The following LNX1 variants were observed in gnomAD, a reference collection of about 807,000 sequenced individuals.
LNX1 encodes ligand of numb-protein X 1.
In LNX1, 54 loss-of-function variants were observed where a neutral mutation model predicts 68.4. The observed-to-expected ratio is 0.79, with a 90% CI of 0.63 to 0.99. LNX1 has a LOEUF of 0.99. Ranked by LOEUF, LNX1 falls within the 50% of genes least tolerant of loss-of-function variation. The pLI, the probability that LNX1 is intolerant of heterozygous loss-of-function variation, is 0.00. For synonymous variants in LNX1, 336 were observed against 350.0 expected (o/e 0.96, Z 0.45); for missense variants, 906 against 926.4 (o/e 0.98, Z 0.29).
At chr4:53,613,548 C>A (rs1733574032) in intron 2 of LNX1, among the ~76,000 whole-genome samples, 1 of 152,134 alleles carries the variant, frequency 6.6e-6, no homozygotes, top group South Asian at 2.1e-4. Flanking sequence ...GTGCATTGTT[C>A]CAATGCGGTA....
intron 2 of LNX1, among the ~76,000 whole-genome samples, chr4:53,514,329 C>T (rs1481442078): frequency 6.6e-6 from 1 of 152,128 alleles, no homozygotes; most frequent in Non-Finnish European, 1.5e-5. Context: ...TTGTATTAGT[C>T]CATTTTTACA....
At chr4:53,466,920 G>A (rs1477846417) in intron 9 of LNX1, among the ~76,000 whole-genome samples, 1 of 152,218 alleles carries the variant, frequency 6.6e-6, no homozygotes, top group Non-Finnish European at 1.5e-5. Flanking sequence ...TCTGGGGGCA[G>A]GGCACAGACA....
At chr4:53,538,016 A>G (rs977498816) in intron 2 of LNX1, among the ~76,000 whole-genome samples, 1 of 152,212 alleles carries the variant, frequency 6.6e-6, no homozygotes, top group Non-Finnish European at 1.5e-5. Flanking sequence ...TCTCATTCTG[A>G]ATACCAAAGA....
At chr4:53,589,367 AT>A (rs1176916520) in intron 1 of LNX1, among the ~76,000 whole-genome samples, 2 of 152,216 alleles carry the variant, frequency 1.3e-5, no homozygotes, top group Non-Finnish European at 2.9e-5. Flanking sequence ...AACTGTTAAC[AT>A]TGCAGTTAAT....
chr4:53,602,253 C>T lies in LNX1; in HGVS notation c.-214-10738G>A, dbSNP rs763859103. On this transcript the variant is annotated intron_variant, in intron 2 of 3. Coordinates refer to the LNX1 transcript ENST00000504299. ...GTCCTGCAAGCAACAGATGCCAAGACGAAATTAAATATGCAGGGACTTGAT... is the reference window on the plus strand; with the variant it reads ...GTCCTGCAAGCAACAGATGCCAAGATGAAATTAAATATGCAGGGACTTGAT... Among the ~76,000 whole-genome samples the T allele has an allele frequency of 4.9e-4, 74 of 152,164 alleles. 1 individual carries two copies. Among genetic ancestry groups the T allele is most frequent in the African/African-American group, 1.4e-3 (57 of 41,496 alleles).
intron 1 of LNX1, among the ~76,000 whole-genome samples, chr4:53,642,490 A>AG (rs960596682): frequency 3.1e-4 from 47 of 152,286 alleles, no homozygotes; most frequent in African/African-American, 1.1e-3. Flanking sequence ...ATGGGTCCTG[A>AG]GGGGCCAGCA....
chr4:53,482,510 G>A (rs972792554), intron 6 of LNX1, among the ~76,000 whole-genome samples: 2 of 152,140 alleles, frequency 1.3e-5, no homozygotes, highest in Admixed American at 6.5e-5. Context: ...ATATACCATG[G>A]AATACTACTC....
chr4:53,552,665 C>T (rs1184022949), intron 2 of LNX1, among the ~76,000 whole-genome samples: 1 of 151,924 alleles, frequency 6.6e-6, no homozygotes, highest in Non-Finnish European at 1.5e-5. Flanking sequence ...CCCATCTCTA[C>T]TAAAAATACA....
intron 4 of LNX1, among the ~76,000 whole-genome samples, chr4:53,504,692 G>C (rs910223929): frequency 6.6e-6 from 1 of 152,222 alleles, no homozygotes; most frequent in African/African-American, 2.4e-5. Context: ...TTTAAAGTGA[G>C]AGACATGTGG....
At chr4:53,492,801 G>A (rs536388768) in intron 6 of LNX1, among the ~76,000 whole-genome samples, 3 of 152,156 alleles carry the variant, frequency 2.0e-5, no homozygotes, top group East Asian at 3.9e-4. Context: ...GGCAAGGGGT[G>A]GAATGGGAGG....
chr4:53,631,082 A>G (rs140579966), intron 1 of LNX1, among the ~76,000 whole-genome samples: 1 of 152,310 alleles, frequency 6.6e-6, no homozygotes, highest in African/African-American at 2.4e-5. Flanking sequence ...CTGGGTCAAT[A>G]TAGAGAAGTG....
intron 2 of LNX1, among the ~76,000 whole-genome samples, chr4:53,540,276 G>A (rs1192505319): frequency 8.6e-5 from 13 of 152,028 alleles, no homozygotes; most frequent in African/African-American, 2.2e-4. Context: ...CCAGCCACTC[G>A]GGGGGCTTAG....
chr4:53,547,711 T>TA lies in LNX1; in HGVS notation c.380+25911dup, dbSNP rs1653972181. On this transcript the variant is annotated intron_variant, in intron 2 of 10. Transcript: ENST00000263925. ...GCTCCAGCTCTGGGTATGCAAGAGT[T>TA]AAACATGGGAGAAGTGGGCTTAGAA... is the stretch of plus-strand genomic sequence containing the variant. 5.3e-5 allele frequency among the ~76,000 whole-genome samples: 8 copies of TA among 152,206 alleles called. No homozygotes were observed. In the South Asian group the frequency reaches 1.7e-3, roughly 32 times the overall value.
chr4:53,528,641 G>A (rs1237254659), intron 2 of LNX1, among the ~76,000 whole-genome samples: 2 of 150,760 alleles, frequency 1.3e-5, no homozygotes, highest in Non-Finnish European at 2.9e-5. Context: ...GTGGTTTCAG[G>A]TATCCACTGA....
intron 2 of LNX1, among the ~76,000 whole-genome samples, chr4:53,610,844 T>C (rs1197345999): frequency 6.6e-6 from 1 of 151,754 alleles, no homozygotes; most frequent in Non-Finnish European, 1.5e-5. Flanking sequence ...ATAGGATATA[T>C]AAATAAATTT....
At chr4:53,576,412 A>C (rs1306024612) in intron 1 of LNX1, 2 of 1,505,736 alleles carry the variant, frequency 1.3e-6, no homozygotes, top group Admixed American at 2.1e-5. Context: ...AGTCCTATTC[A>C]GGTCAGGCTT....
chr4:53,566,020 G>C (rs1450599282), intron 2 of LNX1, among the ~76,000 whole-genome samples: 187 of 151,728 alleles, frequency 1.2e-3, no homozygotes, highest in Non-Finnish European at 1.7e-3. Context: ...ATCTACGTCT[G>C]ATTGGTGTAC....
chr4:53,503,919 C>T (rs1018388090), intron 4 of LNX1, among the ~76,000 whole-genome samples: 4 of 152,130 alleles, frequency 2.6e-5, no homozygotes, highest in Non-Finnish European at 5.9e-5. Flanking sequence ...GGATGACCTG[C>T]GGTCAGGAGT....
intron 1 of LNX1, among the ~76,000 whole-genome samples, chr4:53,638,809 T>G (rs764585656): frequency 8.5e-5 from 13 of 152,170 alleles, no homozygotes; most frequent in Non-Finnish European, 1.8e-4. Flanking sequence ...CCAGTCAGAA[T>G]GGCTATTACT....
Sources: gnomAD v4.1 joint callset for allele counts (sites outside exome capture counted in the v4.1 genomes callset) on GRCh38, gnomAD v4.1.1 for gene constraint, MANE v1.5 for transcripts, NCBI Gene and HGNC (gene_info 2026-07-23, HGNC 2026-07-21) for gene names.